CENPO: variants seen among roughly 807,000 people sequenced by gnomAD.
CENPO encodes the protein centromere protein O, also known as centromeric protein O.
Under a neutral mutation model 36.1 loss-of-function variants are expected in CENPO, and 30 were observed. That is an observed-to-expected ratio of 0.83 (90% CI 0.62 to 1.13). The LOEUF (loss-of-function observed/expected upper bound fraction) is 1.13. Among genes scored for constraint, CENPO ranks in the 50% most tolerant of loss-of-function variants. CENPO has a pLI of 0.00. For missense variants in CENPO, 349 were observed against 357.8 expected, an observed-to-expected ratio of 0.98 and a Z score of 0.20; for synonymous variants, 171 against 142.3, an observed-to-expected ratio of 1.20 and a Z score of -1.44.
rs559135693 is a variant in CENPO, at chr2:24,799,085, C to T, written c.47-590C>T. Reference sequence around the variant, plus strand: ...AGTGATCTTGGCTCACTGCAACCTCCGCCTCCTGGATTCAAACAATTCTGC... The same window carrying T: ...AGTGATCTTGGCTCACTGCAACCTCTGCCTCCTGGATTCAAACAATTCTGC... On this transcript the variant is annotated intron_variant, in intron 2 of 7. Coordinates refer to ENST00000380834, the MANE Select transcript of CENPO (RefSeq NM_001322101.2). Among the ~76,000 whole-genome samples, 159 of 149,846 alleles carry T rather than the reference C, an allele frequency of 1.1e-3. 1 individual carries two copies. The highest frequency in any genetic ancestry group is 3.6e-3 in the African/African-American group (148 of 40,576).
At position 24,820,268 on chromosome 2, in the gene CENPO, C is replaced by T; in HGVS notation, c.*950C>T. ...ACCTCCCAGGGCCAAGCCCTTCCAC[C>T]CGTGGCGAGCAGCGGGTGGGAAGGA... is the stretch of plus-strand genomic sequence containing the variant. On this transcript the variant is annotated 3_prime_UTR_variant, in exon 8 of 8. Transcript: ENST00000380834. The T allele has an allele frequency of 8.2e-7, 1 of 1,215,728 alleles. No individual in the cohort carries two copies. The highest frequency in any genetic ancestry group is 2.1e-5 in the South Asian group (1 of 47,924). The allele number at this position is 1,215,728 out of a possible 1,614,324, so 75.3% of individuals were successfully genotyped here.
chr2:24,820,524 G>C lies in CENPO; in HGVS notation c.*1206G>C. The C allele has an allele frequency of 7.1e-7, 1 of 1,405,268 alleles. No homozygotes were observed. The highest frequency in any genetic ancestry group is 9.3e-7 in the Non-Finnish European group (1 of 1,076,344). 87.0% of individuals were successfully genotyped at this position (1,405,268 alleles called of 1,614,324 possible). On this transcript the variant is annotated 3_prime_UTR_variant, in exon 8 of 8. Coordinates refer to ENST00000380834, the MANE Select transcript of CENPO (RefSeq NM_001322101.2). ...CATATGCATCTAGAACTTCAGCCCA[G>C]ATTTTGTGGATGGGTGGAAGTGTTT...
intron 3 of CENPO, among the ~76,000 whole-genome samples, chr2:24,809,767 C>G (rs1245827002): frequency 6.6e-6 from 1 of 151,812 alleles, no homozygotes; most frequent in Non-Finnish European, 1.5e-5. Context: ...CAGTGAATGA[C>G]TCAGCATGTG....
chr2:24,809,169 A>T (rs184345557), intron 3 of CENPO, among the ~76,000 whole-genome samples: 2 of 152,142 alleles, frequency 1.3e-5, no homozygotes, highest in African/African-American at 4.8e-5. Flanking sequence ...ACTAGGATGG[A>T]TCAGTGATGA....
In CENPO at chr2:24,819,861, G is replaced by A; in HGVS notation, c.*543G>A. The A allele has an allele frequency of 6.6e-7, 1 of 1,509,758 alleles. No homozygotes were observed. Among genetic ancestry groups the A allele is most frequent in the Non-Finnish European group, 9.0e-7 (1 of 1,108,224 alleles). 93.5% of individuals were successfully genotyped at this position (1,509,758 alleles called of 1,614,324 possible). ...TGAGTGTGCACTTCAATCCAGGAAG[G>A]TCGGGACTTCCTTCAGTTTCAAAAA... On this transcript the variant is annotated 3_prime_UTR_variant, in exon 8 of 8. Coordinates refer to ENST00000380834, the MANE Select transcript of CENPO (RefSeq NM_001322101.2).
intron 6 of CENPO, 52 bp from the exon 7 acceptor site, chr2:24,817,618 C>T: frequency 1.2e-6 from 2 of 1,609,578 alleles, no homozygotes; most frequent in Non-Finnish European, 1.7e-6. Context: ...GTGATCCAGG[C>T]TCCGATTCCC....
At chr2:24,794,939 T>G (rs1665824520) in intron 2 of CENPO, among the ~76,000 whole-genome samples, 1 of 152,220 alleles carries the variant, frequency 6.6e-6, no homozygotes, top group Admixed American at 6.5e-5. Flanking sequence ...GTTATCCTAT[T>G]TTTCTCTGGG....
chr2:24,820,476 A>G lies in CENPO; in HGVS notation c.*1158A>G, dbSNP rs572740980. The G allele has an allele frequency of 2.9e-6, 4 of 1,386,066 alleles. No individual in the cohort carries two copies. Among genetic ancestry groups the G allele is most frequent in the East Asian group, 2.7e-5 (1 of 36,452 alleles). The allele number at this position is 1,386,066 out of a possible 1,614,324, so 85.9% of individuals were successfully genotyped here. A position where few individuals can be genotyped will look rare whatever the true frequency, so the allele number is the denominator to read the frequency against. ...ACTGAGACAGATCACAAGGTATTAGAAGGTTCATACCCAAAGGTAGGCCAT... is the reference window on the plus strand; with the variant it reads ...ACTGAGACAGATCACAAGGTATTAGGAGGTTCATACCCAAAGGTAGGCCAT... On this transcript the variant is annotated 3_prime_UTR_variant, in exon 8 of 8. Transcript: ENST00000380834.
chr2:24,805,137 A>G (rs1276828228), intron 3 of CENPO, among the ~76,000 whole-genome samples: 1 of 152,112 alleles, frequency 6.6e-6, no homozygotes, highest in African/African-American at 2.4e-5. Flanking sequence ...AGGCTTGTGC[A>G]TTCGTCACGT....
chr2:24,804,894 TCTC>T (rs1666317481), intron 3 of CENPO, among the ~76,000 whole-genome samples: 1 of 152,222 alleles, frequency 6.6e-6, no homozygotes, highest in Admixed American at 6.5e-5. Flanking sequence ...TTGGGGAAGT[TCTC>T]CTGGATAATA....
At chr2:24,809,723 TAA>T (rs1666592365) in intron 3 of CENPO, among the ~76,000 whole-genome samples, 1 of 152,206 alleles carries the variant, frequency 6.6e-6, no homozygotes. Context: ...GTTTTTTTTT[TAA>T]GTTACTAATT....
At chr2:24,817,476 A>AAAAAAAAAAAAAAAAAAAGG in intron 6 of CENPO, among the ~76,000 whole-genome samples, 194 bp from the exon 7 acceptor site, 1 of 151,048 alleles carries the variant, frequency 6.6e-6, no homozygotes, top group African/African-American at 2.4e-5. Flanking sequence ...CAAAAAAAAA[A>AAAAAAAAAAAAAAAAAAAGG]GCTGTATGGG....
chr2:24,799,622 C>G, intron 2 of CENPO, 53 bp from the exon 3 acceptor site: 1 of 1,452,354 alleles, frequency 6.9e-7, no homozygotes, highest in Non-Finnish European at 9.4e-7. Context: ...CTTCCTGTTG[C>G]CACAGTGAGA....
At chr2:24,807,055 G>A (rs1048956857) in intron 3 of CENPO, among the ~76,000 whole-genome samples, 2 of 152,044 alleles carry the variant, frequency 1.3e-5, no homozygotes, top group African/African-American at 2.4e-5. Context: ...ATGAAACACC[G>A]CACCATTGCT....
At chr2:24,810,631 C>T (rs1666634593) in intron 3 of CENPO, among the ~76,000 whole-genome samples, 1 of 151,628 alleles carries the variant, frequency 6.6e-6, no homozygotes. Flanking sequence ...CCTCAGCCTC[C>T]CAAGTAGCTG....
At chr2:24,809,009 G>T (rs528456066) in intron 3 of CENPO, among the ~76,000 whole-genome samples, 3 of 151,876 alleles carry the variant, frequency 2.0e-5, no homozygotes, top group East Asian at 1.9e-4. Flanking sequence ...TTTAATTTCC[G>T]ATCCAATTTC....
rs1667422986 is a variant in CENPO, at chr2:24,820,391, C to T, written c.*1073C>T. ...GGGTGGCAGCACTGTTACCTGGAAA[C>T]TGCCACTGCCTGCTCTTCTGTCCCT... On this transcript the variant is annotated 3_prime_UTR_variant, in exon 8 of 8. Coordinates refer to ENST00000380834, the MANE Select transcript of CENPO (RefSeq NM_001322101.2). 2.3e-6 allele frequency: 3 copies of T among 1,311,402 alleles called. No homozygotes were observed. The highest frequency in any genetic ancestry group is 1.5e-5 in the African/African-American group (1 of 66,098). 81.2% of individuals were successfully genotyped at this position (1,311,402 alleles called of 1,614,324 possible).
chr2:24,814,336 A>T, intron 3 of CENPO, 40 bp from the exon 4 acceptor site: 1 of 961,338 alleles, frequency 1.0e-6, no homozygotes, highest in Non-Finnish European at 1.7e-6. Context: ...GTTGTAGTGT[A>T]CCTCTTTGTA....
Position 24,814,359 on chromosome 2 carries a change from TG to T in CENPO, c.217-16del. 8.2e-7 allele frequency: 1 copy of T among 1,212,312 alleles called. No homozygotes were observed. Among genetic ancestry groups the T allele is most frequent in the Admixed American group, 1.7e-5 (1 of 59,550 alleles). 75.1% of individuals were successfully genotyped at this position (1,212,312 alleles called of 1,614,324 possible). A position where few individuals can be genotyped will look rare whatever the true frequency, so the allele number is the denominator to read the frequency against. On this transcript the variant is annotated splice_polypyrimidine_tract_variant and intron_variant, in intron 3 of 7. Transcript: ENST00000380834. ...GTACCTCTTTGTACCAAGATTGATTTGCTGCATATCTTGCAGGTGAAAGCAT... is the reference window on the plus strand; with the variant it reads ...GTACCTCTTTGTACCAAGATTGATTTCTGCATATCTTGCAGGTGAAAGCAT...
Sources: gnomAD v4.1 joint callset for allele counts (sites outside exome capture counted in the v4.1 genomes callset) on GRCh38, gnomAD v4.1.1 for gene constraint, MANE v1.5 for transcripts, NCBI Gene and HGNC (gene_info 2026-07-23, HGNC 2026-07-21) for gene names.